Variants in XIRP2 observed in about 807,000 individuals in gnomAD.
XIRP2 encodes xin actin binding repeat containing 2, also known as xin actin-binding repeat-containing protein 2.
Under a neutral mutation model 277.0 loss-of-function variants are expected in XIRP2, and 236 were observed. That is an observed-to-expected ratio of 0.85 (90% CI 0.77 to 0.95). XIRP2 has a LOEUF of 0.95. Among genes scored for constraint, XIRP2 ranks in the 40% least tolerant of loss-of-function variants. The pLI is 0.00. For synonymous variants in XIRP2, 1,490 were observed against 1,416.5 expected (o/e 1.05, Z -1.17); for missense variants, 4,640 against 4,157.5 (o/e 1.12, Z -3.19).
chr2:167,171,023 C>G (rs530785033), intron 3 of XIRP2, among the ~76,000 whole-genome samples: 2 of 151,584 alleles, frequency 1.3e-5, no homozygotes, highest in African/African-American at 2.4e-5. Flanking sequence ...CCTCAGCCTC[C>G]TGGGTAGCTG....
At chr2:166,940,048 A>G (rs558486500) in intron 2 of XIRP2, among the ~76,000 whole-genome samples, 13 of 152,342 alleles carry the variant, frequency 8.5e-5, no homozygotes, top group African/African-American at 2.6e-4. Context: ...GTGTTTTCCA[A>G]CTTGGTTCCA....
chr2:167,247,651 G>C lies in XIRP2; in HGVS notation c.6259G>C (p.Val2087Leu). The C allele has an allele frequency of 1.9e-6, 3 of 1,613,594 alleles. No homozygotes were observed. Among genetic ancestry groups the C allele is most frequent in the Non-Finnish European group, 1.7e-6 (2 of 1,179,732 alleles). Residue 2087 changes from valine to leucine, a missense_variant, in exon 9 of 11, where the codon GTG becomes CTG. Transcript: ENST00000409195. ...TATGAGCAGACAATTAACTTCAACT[G>C]TGTCAGTTAAGAATAATCTAACAAC... The part of the protein sequence containing the change: ...EYMSRQLTST[V>L]SVKNNLTTKE...
intron 2 of XIRP2, among the ~76,000 whole-genome samples, chr2:166,910,863 G>A (rs1321391851): frequency 3.9e-5 from 6 of 152,064 alleles, no homozygotes; most frequent in Non-Finnish European, 5.9e-5. Context: ...CCTTCATTTC[G>A]TTATATACCC....
Position 167,249,152 on chromosome 2 carries a change from T to C in XIRP2, c.7760T>C (p.Met2587Thr), listed in dbSNP as rs1406255259. The change falls in exon 9 of 11, where the codon ATG becomes ACG. Residue 2587 changes from methionine (M) to threonine (T), a missense_variant. Transcript: ENST00000409195. ...CACATAACAGAGGTGGAAAAGGAAATGCCATTACAAAAAACCAATGAGGAG... is the reference window on the plus strand; with the variant it reads ...CACATAACAGAGGTGGAAAAGGAAACGCCATTACAAAAAACCAATGAGGAG... ...NQHITEVEKE[M>T]PLQKTNEEVS... 1 of 1,613,576 alleles carries C rather than the reference T, an allele frequency of 6.2e-7. No individual in the cohort carries two copies. Among genetic ancestry groups the C allele is most frequent in the East Asian group, 2.2e-5 (1 of 44,836 alleles).
intron 2 of XIRP2, among the ~76,000 whole-genome samples, chr2:166,944,553 G>A (rs978153328): frequency 2.0e-5 from 3 of 152,214 alleles, no homozygotes; most frequent in African/African-American, 7.2e-5. Flanking sequence ...GAGAGCCCAA[G>A]AGGTGCCTTT....
In XIRP2 at chr2:167,259,193, T is replaced by C. The variant is rs1432997037; in HGVS notation, c.*1376T>C. ...GGAATTTGGAAAGGATGTTAAACCTTGGCATGTTGAAACAACAGAAGCTGC... is the reference window on the plus strand; with the variant it reads ...GGAATTTGGAAAGGATGTTAAACCTCGGCATGTTGAAACAACAGAAGCTGC... On this transcript the variant is annotated 3_prime_UTR_variant, in exon 11 of 11. Transcript: ENST00000409195. 6.2e-6 allele frequency: 10 copies of C among 1,613,382 alleles called. No individual in the cohort carries two copies. Among genetic ancestry groups the C allele is most frequent in the Non-Finnish European group, 8.5e-6 (10 of 1,179,686 alleles).
chr2:166,903,752 TG>T lies in XIRP2; in HGVS notation c.272del (p.Gly91ValfsTer6), dbSNP rs1401782516. The T allele has an allele frequency of 3.1e-6, 5 of 1,613,614 alleles. 1 individual carries two copies. The South Asian group carries it at 5.5e-5, about 18-fold the overall frequency. Reference sequence around the variant, plus strand: ...ACAAGAGTAACAACACCAGGGAATATGGTCGGCCAGAAGTGCTGAAGGAGGA... The same window carrying T: ...ACAAGAGTAACAACACCAGGGAATATGTCGGCCAGAAGTGCTGAAGGAGGA... ...VDKSNNTREY[G>X]RPEVLKEDSL... On this transcript the variant is annotated frameshift_variant, in exon 2 of 11. Coordinates refer to ENST00000409195, the MANE Select transcript of XIRP2 (RefSeq NM_152381.6). LOFTEE classifies it high-confidence loss of function.
rs572887295 is a variant in XIRP2 at position 166,918,506 on chromosome 2, T to A, written c.408+14616T>A. On this transcript the variant is annotated intron_variant, in intron 2 of 10. Coordinates refer to ENST00000409195, the MANE Select transcript of XIRP2 (RefSeq NM_152381.6). ...AGGGAAAAAATATTCACTTATGGTATTTGTTAAATTAATTCAGCCAGTGAA... is the reference window on the plus strand; with the variant it reads ...AGGGAAAAAATATTCACTTATGGTAATTGTTAAATTAATTCAGCCAGTGAA... Among the ~76,000 whole-genome samples the A allele has an allele frequency of 1.3e-4, 20 of 152,256 alleles. No individual in the cohort carries two copies. The South Asian group carries it at 4.1e-3, about 32-fold the overall frequency.
intron 2 of XIRP2, among the ~76,000 whole-genome samples, chr2:167,081,470 A>T (rs1689732847): frequency 6.6e-6 from 1 of 152,172 alleles, no homozygotes; most frequent in Admixed American, 6.5e-5. Flanking sequence ...TGCCTCTAAA[A>T]AATTTTTTAA....
intron 2 of XIRP2, among the ~76,000 whole-genome samples, chr2:167,083,475 G>A (rs2105265035): frequency 6.6e-6 from 1 of 152,286 alleles, no homozygotes; most frequent in South Asian, 2.1e-4. Flanking sequence ...TTCCAATTCT[G>A]TGAAGAAAGT....
At chr2:166,902,984 C>T (rs1263266033) in intron 1 of XIRP2, among the ~76,000 whole-genome samples, 1 of 152,074 alleles carries the variant, frequency 6.6e-6, no homozygotes, top group African/African-American at 2.4e-5. Flanking sequence ...AGCTATTAGT[C>T]TACTACTTCT....
chr2:167,132,882 T>A (rs1448846689), intron 2 of XIRP2, among the ~76,000 whole-genome samples: 1 of 152,204 alleles, frequency 6.6e-6, no homozygotes, highest in African/African-American at 2.4e-5. Context: ...GAGTTGCATG[T>A]TTAATACTGA....
chr2:167,117,077 G>A (rs1437583292), intron 2 of XIRP2, among the ~76,000 whole-genome samples: 1 of 152,108 alleles, frequency 6.6e-6, no homozygotes, highest in Non-Finnish European at 1.5e-5. Flanking sequence ...ATATGATTTG[G>A]GTTGGAATTG....
At chr2:166,940,719 C>G (rs1685682278) in intron 2 of XIRP2, among the ~76,000 whole-genome samples, 1 of 152,152 alleles carries the variant, frequency 6.6e-6, no homozygotes, top group Non-Finnish European at 1.5e-5. Flanking sequence ...CACTTCAGAC[C>G]CTGTTTGCCT....
intron 2 of XIRP2, among the ~76,000 whole-genome samples, chr2:167,134,076 GAT>G (rs1691464449): frequency 6.6e-6 from 1 of 151,900 alleles, no homozygotes; most frequent in Admixed American, 6.6e-5. Context: ...ATCCAAAGAT[GAT>G]ATGATTACCA....
rs148089140 is a variant in XIRP2, at chr2:166,927,439, G to A, written c.408+23549G>A. ...CTGCATTTTTTTCTGGAGGCTCTAA[G>A]ACTGTTAAAATTCTCTAAGGGAGAT... On this transcript the variant is annotated intron_variant, in intron 2 of 10. Coordinates refer to ENST00000409195, the MANE Select transcript of XIRP2 (RefSeq NM_152381.6). Among the ~76,000 whole-genome samples, 338 of 152,182 alleles carry A rather than the reference G, an allele frequency of 2.2e-3. 3 individuals are homozygous for A. The highest frequency in any genetic ancestry group is 7.3e-3 in the African/African-American group (303 of 41,526).
intron 2 of XIRP2, among the ~76,000 whole-genome samples, chr2:167,051,262 C>G (rs1427585600): frequency 1.3e-5 from 2 of 152,092 alleles, no homozygotes; most frequent in Non-Finnish European, 2.9e-5. Context: ...TGTCTTTGTG[C>G]AGCTATTCTT....
At chr2:167,191,735 C>T (rs760725964) in intron 3 of XIRP2, among the ~76,000 whole-genome samples, 1 of 152,122 alleles carries the variant, frequency 6.6e-6, no homozygotes, top group Non-Finnish European at 1.5e-5. Flanking sequence ...TTTCACTACT[C>T]TTTTTTTGGC....
intron 1 of XIRP2, among the ~76,000 whole-genome samples, chr2:166,898,026 T>C (rs1208215172): frequency 6.6e-6 from 1 of 152,100 alleles, no homozygotes; most frequent in Admixed American, 6.6e-5. Context: ...GTATGGTTTG[T>C]TTCCATGAGA....
Sources: allele counts gnomAD v4.1 joint callset (sites outside exome capture counted in the v4.1 genomes callset), GRCh38; gene constraint gnomAD v4.1.1; transcripts MANE v1.5; gene names NCBI Gene and HGNC (gene_info 2026-07-23, HGNC 2026-07-21).